IGSF21: variants seen among roughly 807,000 people sequenced by gnomAD.
The protein encoded by IGSF21 is immunoglobulin superfamily member 21.
A neutral mutation model predicts 46.8 loss-of-function variants in IGSF21; 28 were observed. The observed-to-expected ratio is 0.60, with a 90% confidence interval of 0.44 to 0.82. IGSF21 has a LOEUF of 0.82. Among genes scored for constraint, IGSF21 ranks in the 40% least tolerant of loss-of-function variants. IGSF21 has a pLI of 0.00. For synonymous variants in IGSF21, 284 were observed against 273.6 expected (o/e 1.04, Z -0.38); for missense variants, 624 against 665.5 (o/e 0.94, Z 0.69).
rs148008515 is a variant in IGSF21 at position 18,206,544 on chromosome 1, G to A, written c.71-21354G>A. 1.7e-3 allele frequency among the ~76,000 whole-genome samples: 242 copies of A among 142,044 alleles called. 1 individual carries two copies. The highest frequency in any genetic ancestry group is 6.0e-3 in the African/African-American group (227 of 38,082). 93.2% of individuals were successfully genotyped at this position (142,044 alleles called of 152,430 possible). A position where few individuals can be genotyped will look rare whatever the true frequency, so the allele number is the denominator to read the frequency against. On this transcript the variant is annotated intron_variant, in intron 1 of 9. Transcript: ENST00000251296. The stretch of plus-strand genomic sequence containing the variant: ...GGCCTAGGTAATAGAGTGAGACCCC[G>A]TCTCAAAAAAAAAAAAAAAAAGAGT...
At chr1:18,180,457 C>G (rs2086846456) in intron 1 of IGSF21, among the ~76,000 whole-genome samples, 1 of 152,190 alleles carries the variant, frequency 6.6e-6, no homozygotes, top group Non-Finnish European at 1.5e-5. Flanking sequence ...CCTGGACATA[C>G]AAACAAGCAT....
chr1:18,185,176 T>C (rs2086891853), intron 1 of IGSF21, among the ~76,000 whole-genome samples: 1 of 152,198 alleles, frequency 6.6e-6, no homozygotes, highest in Non-Finnish European at 1.5e-5. Context: ...TCCAACACTC[T>C]GGCTCAGCCT....
intron 3 of IGSF21, among the ~76,000 whole-genome samples, chr1:18,312,206 G>A (rs2085495146): frequency 6.6e-6 from 1 of 152,184 alleles, no homozygotes; most frequent in Non-Finnish European, 1.5e-5. Flanking sequence ...GGTTGCCTGA[G>A]GCAGTCAATG....
intron 6 of IGSF21, among the ~76,000 whole-genome samples, chr1:18,373,373 T>A (rs2086248188): frequency 6.6e-6 from 1 of 151,912 alleles, no homozygotes; most frequent in African/African-American, 2.4e-5. Context: ...GGGGTGTAGG[T>A]TTTGATTGTC....
chr1:18,281,120 CGAAT>C (rs10652866), intron 2 of IGSF21, among the ~76,000 whole-genome samples: 2 of 110,784 alleles, frequency 1.8e-5, no homozygotes, highest in Middle Eastern at 4.9e-3. Context: ...AAGAAATGAA[CGAAT>C]GAATGAATGA....
intron 1 of IGSF21, among the ~76,000 whole-genome samples, chr1:18,174,431 C>T (rs2086774814): frequency 6.6e-6 from 1 of 152,172 alleles, no homozygotes; most frequent in Non-Finnish European, 1.5e-5. Flanking sequence ...AGTGAGGGAA[C>T]TGCATGGATC....
intron 6 of IGSF21, among the ~76,000 whole-genome samples, chr1:18,372,766 T>G (rs1246891176): frequency 6.9e-6 from 1 of 145,308 alleles, no homozygotes; most frequent in East Asian, 2.0e-4. Flanking sequence ...GAATGGATGT[T>G]TGGATAGATG....
chr1:18,169,909 G>GA (rs1471835662), intron 1 of IGSF21, among the ~76,000 whole-genome samples: 1 of 152,104 alleles, frequency 6.6e-6, no homozygotes, highest in African/African-American at 2.4e-5. Context: ...TTTTGGCGGG[G>GA]GAGGGGATCT....
chr1:18,292,680 G>A lies in IGSF21; in HGVS notation c.305+693G>A, dbSNP rs777383756. Among the ~76,000 whole-genome samples, 141 of 152,020 alleles carry A rather than the reference G, an allele frequency of 9.3e-4. 2 individuals carry two copies. Among genetic ancestry groups the A allele is most frequent in the Non-Finnish European group, 1.2e-3 (81 of 68,014 alleles). ...ATCCCTTTGACCCTTAACACACACC[G>A]GTCCCTCTTCTCAAAGGGCCTTTCT... is the stretch of plus-strand genomic sequence containing the variant. On this transcript the variant is annotated intron_variant, in intron 3 of 9. Coordinates refer to ENST00000251296, the MANE Select transcript of IGSF21 (RefSeq NM_032880.5).
intron 1 of IGSF21, among the ~76,000 whole-genome samples, chr1:18,130,984 A>G (rs1570251188): frequency 6.6e-6 from 1 of 152,204 alleles, no homozygotes; most frequent in African/African-American, 2.4e-5. Context: ...GGGCCGGCTG[A>G]TGGAGATGTC....
At chr1:18,254,842 C>T (rs1396565973) in intron 2 of IGSF21, among the ~76,000 whole-genome samples, 1 of 138,224 alleles carries the variant, frequency 7.2e-6, no homozygotes, top group Non-Finnish European at 1.5e-5. Context: ...GCCCATTCTT[C>T]TATCCATCCA....
intron 2 of IGSF21, among the ~76,000 whole-genome samples, chr1:18,261,354 C>T (rs548773715): frequency 2.0e-5 from 3 of 152,260 alleles, no homozygotes; most frequent in South Asian, 4.1e-4. Flanking sequence ...GGTTCGGATG[C>T]TGGACCAAAC....
chr1:18,341,033 T>TTCTTCTTCC (rs2085832062), intron 4 of IGSF21, among the ~76,000 whole-genome samples: 1 of 106,832 alleles, frequency 9.4e-6, no homozygotes, highest in Non-Finnish European at 2.0e-5. Context: ...CTTCTTCTTC[T>TTCTTCTTCC]TCTTCTTCTT....
At chr1:18,333,540 G>T (rs1450336699) in intron 3 of IGSF21, among the ~76,000 whole-genome samples, 1 of 152,222 alleles carries the variant, frequency 6.6e-6, no homozygotes, top group African/African-American at 2.4e-5. Context: ...GTCACAGGAA[G>T]TAGCATCTCC....
At chr1:18,156,682 A>AT (rs2086572897) in intron 1 of IGSF21, among the ~76,000 whole-genome samples, 1 of 152,226 alleles carries the variant, frequency 6.6e-6, no homozygotes, top group Non-Finnish European at 1.5e-5. Context: ...TTAAGGGAAG[A>AT]TTCCAAACAA....
intron 1 of IGSF21, among the ~76,000 whole-genome samples, chr1:18,186,123 A>T (rs2086900646): frequency 6.6e-6 from 1 of 152,184 alleles, no homozygotes. Flanking sequence ...AGAAGCCTGT[A>T]TTCCCTGTCC....
chr1:18,224,426 C>T (rs1443164991), intron 1 of IGSF21, among the ~76,000 whole-genome samples: 1 of 152,190 alleles, frequency 6.6e-6, no homozygotes, highest in Admixed American at 6.5e-5. Flanking sequence ...CAGGGCCCCT[C>T]TGGCTAAAGA....
chr1:18,341,502 C>T (rs944005982), intron 4 of IGSF21, among the ~76,000 whole-genome samples: 1 of 152,216 alleles, frequency 6.6e-6, no homozygotes, highest in African/African-American at 2.4e-5. Flanking sequence ...CTGACACTCT[C>T]TGCTCCCAAC....
intron 1 of IGSF21, among the ~76,000 whole-genome samples, chr1:18,121,093 G>C (rs551625539): frequency 6.6e-6 from 1 of 152,264 alleles, no homozygotes; most frequent in Non-Finnish European, 1.5e-5. Flanking sequence ...GTTATGAAGA[G>C]GCTCAAAGCT....
Sources: gnomAD v4.1 joint callset for allele counts (sites outside exome capture counted in the v4.1 genomes callset) on GRCh38, gnomAD v4.1.1 for gene constraint, MANE v1.5 for transcripts, NCBI Gene and HGNC (gene_info 2026-07-23, HGNC 2026-07-21) for gene names.